CELF4: variants seen among roughly 807,000 people sequenced by gnomAD.
CELF4 encodes the protein CUG-BP- and ETR-3-like factor 4.
A neutral mutation model predicts 59.9 loss-of-function variants in CELF4; 18 were observed. The ratio of observed to expected loss-of-function variants is 0.30; its 90% CI spans 0.21 to 0.45. The LOEUF is 0.45. CELF4 is among the 20% of genes least tolerant of loss of function. The pLI is 1.00. For missense variants in CELF4, 456 were observed against 689.0 expected, an observed-to-expected ratio of 0.66 and a Z score of 3.79; for synonymous variants, 261 against 267.1, an observed-to-expected ratio of 0.98 and a Z score of 0.22.
At chr18:37,374,478 C>A (rs956390534) in intron 2 of CELF4, among the ~76,000 whole-genome samples, 1 of 152,204 alleles carries the variant, frequency 6.6e-6, no homozygotes, top group Non-Finnish European at 1.5e-5. Context: ...CGTAACTTCA[C>A]TGGCAACTGA....
chr18:37,468,193 G>C (rs1185158401), intron 2 of CELF4, among the ~76,000 whole-genome samples: 2 of 152,208 alleles, frequency 1.3e-5, no homozygotes, highest in Admixed American at 1.3e-4. Context: ...CTTAGAAAAT[G>C]GGAAATGCAT....
At chr18:37,468,810 A>G (rs192517930) in intron 2 of CELF4, among the ~76,000 whole-genome samples, 3 of 152,200 alleles carry the variant, frequency 2.0e-5, no homozygotes, top group African/African-American at 7.2e-5. Flanking sequence ...GCCCCTTGTA[A>G]AACCATCAGA....
chr18:37,421,336 C>T (rs996278169), intron 2 of CELF4, among the ~76,000 whole-genome samples: 5 of 152,226 alleles, frequency 3.3e-5, no homozygotes, highest in South Asian at 2.1e-4. Context: ...TCCCTCCTTG[C>T]GCACTGGCTG....
At position 37,412,584 on chromosome 18, in the gene CELF4, G is replaced by C. The variant is rs377343704; in HGVS notation, c.369+72941C>G. On this transcript the variant is annotated intron_variant, in intron 2 of 12. Coordinates refer to ENST00000420428, the MANE Select transcript of CELF4 (RefSeq NM_020180.4). ...TGTGTGTATGAATGGGTGAATGGTT[G>C]AGTGGACGGGTACGTGTGTGTGGAT... Among the ~76,000 whole-genome samples the C allele has an allele frequency of 5.9e-5, 9 of 152,008 alleles. 1 individual carries two copies. Among genetic ancestry groups the C allele is most frequent in the African/African-American group, 2.2e-4 (9 of 41,488 alleles).
chr18:37,468,258 G>A (rs1013439070), intron 2 of CELF4, among the ~76,000 whole-genome samples: 1 of 152,212 alleles, frequency 6.6e-6, no homozygotes, highest in East Asian at 1.9e-4. Flanking sequence ...TTCAAACAAT[G>A]CAGCTCAACG....
intron 1 of CELF4, among the ~76,000 whole-genome samples, chr18:37,514,757 T>G (rs551359162): frequency 3.2e-4 from 48 of 152,304 alleles, no homozygotes; most frequent in Admixed American, 2.7e-3. Flanking sequence ...CCCTCTCCTT[T>G]GAAAATCCAC....
At chr18:37,458,996 T>C (rs1164188736) in intron 2 of CELF4, among the ~76,000 whole-genome samples, 1 of 152,238 alleles carries the variant, frequency 6.6e-6, no homozygotes, top group Admixed American at 6.5e-5. Context: ...TTGGCTCTGC[T>C]TGCAGAGCCT....
At chr18:37,324,359 T>C (rs968480261) in intron 2 of CELF4, among the ~76,000 whole-genome samples, 3 of 152,070 alleles carry the variant, frequency 2.0e-5, no homozygotes, top group Non-Finnish European at 4.4e-5. Context: ...ATGATTGATG[T>C]CCTCACAAGA....
chr18:37,274,667 G>A (rs1265512808), intron 5 of CELF4, 138 bp downstream of exon 5: 2 of 1,480,234 alleles, frequency 1.4e-6, no homozygotes, highest in Non-Finnish European at 1.8e-6. Flanking sequence ...CTGGGCTTCC[G>A]CGTCCTTGTC....
intron 1 of CELF4, among the ~76,000 whole-genome samples, chr18:37,558,195 A>G (rs2099985389): frequency 6.6e-6 from 1 of 151,630 alleles, no homozygotes; most frequent in Non-Finnish European, 1.5e-5. Context: ...GAGGACTCAA[A>G]AATCAAGGCA....
intron 3 of CELF4, among the ~76,000 whole-genome samples, chr18:37,298,822 G>A (rs1380516610): frequency 1.3e-5 from 2 of 151,478 alleles, no homozygotes; most frequent in African/African-American, 4.9e-5. Context: ...TCCCAGTTCC[G>A]CTCCAGCCAA....
intron 4 of CELF4, 98 bp from the exon 5 acceptor site, chr18:37,274,982 C>T (rs1233670396): frequency 2.6e-6 from 4 of 1,540,678 alleles, no homozygotes; most frequent in Non-Finnish European, 3.5e-6. Flanking sequence ...ACGGGTGAGG[C>T]AGAGATTGAG....
intron 3 of CELF4, among the ~76,000 whole-genome samples, chr18:37,277,237 G>C (rs1177087685): frequency 6.6e-6 from 1 of 152,196 alleles, no homozygotes; most frequent in African/African-American, 2.4e-5. Context: ...CACAGTTACT[G>C]GTCCCTGTTA....
At chr18:37,402,063 G>A (rs1220891571) in intron 2 of CELF4, among the ~76,000 whole-genome samples, 1 of 152,122 alleles carries the variant, frequency 6.6e-6, no homozygotes, top group Non-Finnish European at 1.5e-5. Flanking sequence ...CAGCTCTCTG[G>A]GCCTCCAACT....
chr18:37,264,594 C>T, intron 10 of CELF4, 80 bp downstream of exon 10: 1 of 1,254,562 alleles, frequency 8.0e-7, no homozygotes, highest in South Asian at 1.3e-5. Flanking sequence ...AACGCACACC[C>T]CAGCCCAAGG....
intron 3 of CELF4, among the ~76,000 whole-genome samples, chr18:37,303,664 TC>T (rs1011423415): frequency 2.0e-5 from 3 of 152,034 alleles, no homozygotes; most frequent in Non-Finnish European, 4.4e-5. Flanking sequence ...GCTCTCCAGG[TC>T]CCCAGGAACA....
At chr18:37,505,961 G>A (rs552569990) in intron 1 of CELF4, among the ~76,000 whole-genome samples, 21 of 136,860 alleles carry the variant, frequency 1.5e-4, no homozygotes, top group African/African-American at 4.6e-4. Flanking sequence ...GGACAGGAGG[G>A]TGGTGGCCTT....
At chr18:37,485,804 C>T (rs898643350) in intron 1 of CELF4, 197 bp from the exon 2 acceptor site, 5 of 382,016 alleles carry the variant, frequency 1.3e-5, no homozygotes, top group African/African-American at 1.0e-4. Context: ...TCGTACCTCC[C>T]TTTGCTTTTC....
intron 10 of CELF4, among the ~76,000 whole-genome samples, chr18:37,262,624 G>A (rs994125725): frequency 1.3e-5 from 2 of 152,168 alleles, no homozygotes; most frequent in African/African-American, 4.8e-5. Flanking sequence ...AGAGACCCCT[G>A]AGCCAATAGG....
Sources: allele counts gnomAD v4.1 joint callset (sites outside exome capture counted in the v4.1 genomes callset), GRCh38; gene constraint gnomAD v4.1.1; transcripts MANE v1.5; gene names NCBI Gene and HGNC (gene_info 2026-07-23, HGNC 2026-07-21).